Variants in TMT1A observed in about 807,000 individuals in gnomAD.
TMT1A encodes thiol S-methyltransferase TMT1A.
At chr12:50,929,550 T>G in the TMT1A span, among the ~76,000 whole-genome samples, 10 of 152,212 alleles carry the variant, frequency 6.6e-5, no homozygotes, top group African/African-American at 2.4e-4. Context: ...GATCAACATT[T>G]ATAAAACTCC....
the TMT1A span, chr12:50,931,710 TCAAAAA>T: frequency 1.3e-5 from 1 of 74,968 alleles, no homozygotes; most frequent in African/African-American, 7.2e-5. Flanking sequence ...AGACTCCGTC[TCAAAAA>T]AAAAAAAAAA....
the TMT1A span, among the ~76,000 whole-genome samples, chr12:50,925,792 A>G: frequency 5.9e-5 from 9 of 152,132 alleles, 2 homozygotes; most frequent in South Asian, 6.2e-4. Context: ...TAATCCCAGC[A>G]TTTTGGGAGG....
At chr12:50,926,291 A>G in the TMT1A span, among the ~76,000 whole-genome samples, 1 of 152,214 alleles carries the variant, frequency 6.6e-6, no homozygotes, top group Non-Finnish European at 1.5e-5. Flanking sequence ...AGTTAATTAA[A>G]GGAGATACTA....
At chr12:50,929,880 C>T in the TMT1A span, 1 of 1,544,264 alleles carries the variant, frequency 6.5e-7, no homozygotes, top group Non-Finnish European at 8.8e-7. Flanking sequence ...ATGAAAAAAT[C>T]CTTGAAATGT....
At chr12:50,926,287 T>A in the TMT1A span, among the ~76,000 whole-genome samples, 1 of 152,116 alleles carries the variant, frequency 6.6e-6, no homozygotes, top group African/African-American at 2.4e-5. Context: ...AAAGAGTTAA[T>A]TAAAGGAGAT....
chr12:50,927,066 C>G, the TMT1A span, among the ~76,000 whole-genome samples: 1 of 152,158 alleles, frequency 6.6e-6, no homozygotes, highest in East Asian at 1.9e-4. Context: ...GTCACCCAGG[C>G]TGGAGTGCAG....
At chr12:50,926,016 CAAAAAAA>C in the TMT1A span, among the ~76,000 whole-genome samples, 74 of 26,076 alleles carry the variant, frequency 2.8e-3, 3 homozygotes, top group South Asian at 4.1e-3. Flanking sequence ...AACTCCATCT[CAAAAAAA>C]AAAAAAAAAA....
the TMT1A span, among the ~76,000 whole-genome samples, chr12:50,928,239 T>C: frequency 6.6e-6 from 1 of 152,218 alleles, no homozygotes; most frequent in Non-Finnish European, 1.5e-5. Context: ...TCTACCCATC[T>C]CCTACCACTG....
At chr12:50,927,247 A>G in the TMT1A span, among the ~76,000 whole-genome samples, 1 of 152,046 alleles carries the variant, frequency 6.6e-6, no homozygotes, top group Admixed American at 6.6e-5. Flanking sequence ...GGCTGGTCTC[A>G]AACTCCTGGG....
At chr12:50,925,776 C>T in the TMT1A span, among the ~76,000 whole-genome samples, 1 of 151,998 alleles carries the variant, frequency 6.6e-6, no homozygotes, top group Admixed American at 6.6e-5. Flanking sequence ...CAGTGGTTCA[C>T]GTCTGTAATC....
At chr12:50,925,935 G>C in the TMT1A span, among the ~76,000 whole-genome samples, 1 of 137,120 alleles carries the variant, frequency 7.3e-6, no homozygotes, top group Non-Finnish European at 1.5e-5. Flanking sequence ...AGAATCGCTT[G>C]AACCTGGTGG....
chr12:50,926,222 G>A, the TMT1A span, among the ~76,000 whole-genome samples: 1 of 151,980 alleles, frequency 6.6e-6, no homozygotes, highest in Non-Finnish European at 1.5e-5. Flanking sequence ...GGGAAAATGG[G>A]CAAATAACAG....
the TMT1A span, chr12:50,930,055 C>G: frequency 6.2e-7 from 1 of 1,614,036 alleles, no homozygotes; most frequent in South Asian, 1.1e-5. Flanking sequence ...GGCCCTGGAG[C>G]GGGCCAGCTT....
At chr12:50,928,632 G>A in the TMT1A span, among the ~76,000 whole-genome samples, 9 of 152,232 alleles carry the variant, frequency 5.9e-5, no homozygotes, top group Middle Eastern at 3.4e-3. Flanking sequence ...AAGTTCTTCC[G>A]GGACCCTTCC....
At chr12:50,929,983 G>C in the TMT1A span, 6 of 1,613,988 alleles carry the variant, frequency 3.7e-6, no homozygotes, top group South Asian at 6.6e-5. Flanking sequence ...CTGGCAACAA[G>C]TCCTGGATCC....
chr12:50,928,500 A>G, the TMT1A span, among the ~76,000 whole-genome samples: 4 of 152,094 alleles, frequency 2.6e-5, no homozygotes, highest in Non-Finnish European at 5.9e-5. Flanking sequence ...TGGTGGCTCC[A>G]CCCCATTCCC....
the TMT1A span, among the ~76,000 whole-genome samples, chr12:50,928,033 C>T: frequency 1.2e-4 from 18 of 152,150 alleles, no homozygotes; most frequent in Admixed American, 4.6e-4. Flanking sequence ...CCATGTTGGC[C>T]GGGCTGGTGT....
chr12:50,925,820 C>T, the TMT1A span, among the ~76,000 whole-genome samples: 1 of 151,908 alleles, frequency 6.6e-6, no homozygotes, highest in African/African-American at 2.4e-5. Context: ...AGGCAGATCG[C>T]TTGAGGTCAG....
At chr12:50,929,876 A>C in the TMT1A span, 205 of 1,547,612 alleles carry the variant, frequency 1.3e-4, no homozygotes, top group Non-Finnish European at 2.1e-5. Flanking sequence ...AGAAATGAAA[A>C]AATCCTTGAA....
Sources: gnomAD v4.1 joint callset for allele counts (sites outside exome capture counted in the v4.1 genomes callset) on GRCh38, gnomAD v4.1.1 for gene constraint, MANE v1.5 for transcripts, NCBI Gene and HGNC (gene_info 2026-07-23, HGNC 2026-07-21) for gene names.